The following MALT1 variants were observed in gnomAD, a reference collection of about 807,000 sequenced individuals.
The protein encoded by MALT1 is mucosa-associated lymphoid tissue lymphoma translocation protein 1.
Under a neutral mutation model 85.5 loss-of-function variants are expected in MALT1, and 36 were observed. The ratio of observed to expected loss-of-function variants is 0.42; its 90% CI spans 0.32 to 0.56. MALT1 has a LOEUF of 0.56. Among genes scored for constraint, MALT1 ranks in the 20% least tolerant of loss-of-function variants. The pLI is 0.10. For missense variants in MALT1, 716 were observed against 981.6 expected (o/e 0.73, Z 3.62); for synonymous variants, 359 against 361.3 (o/e 0.99, Z 0.07).
intron 13 of MALT1, among the ~76,000 whole-genome samples, chr18:58,739,837 G>A (rs568870889): frequency 7.2e-5 from 11 of 152,070 alleles, no homozygotes; most frequent in Admixed American, 2.6e-4. Flanking sequence ...ACACGTGTAC[G>A]TGTACACATG....
intron 10 of MALT1, among the ~76,000 whole-genome samples, chr18:58,727,892 G>C (rs776901333): frequency 1.3e-5 from 2 of 152,012 alleles, no homozygotes; most frequent in Admixed American, 6.6e-5. Flanking sequence ...TGTAAAAGAG[G>C]GATGTTAATA....
rs761134329 is a variant in MALT1 at position 58,723,076 on chromosome 18, A to T, written c.1047A>T (p.Gly349=). Residue 349 remains glycine, a synonymous_variant, in exon 10 of 17, where the codon GGA becomes GGT. Coordinates refer to ENST00000649217, the MANE Select transcript of MALT1 (RefSeq NM_006785.4). ...LAKDKVALLI[G]NMNYREHPKL... Reference sequence around the variant, plus strand: ...AGGACAAGGTTGCCCTTTTGATAGGAAATATGAATTACCGGGAGCACCCCA... The same window carrying T: ...AGGACAAGGTTGCCCTTTTGATAGGTAATATGAATTACCGGGAGCACCCCA... The T allele has an allele frequency of 1.2e-6, 2 of 1,613,632 alleles. No homozygotes were observed. Among genetic ancestry groups the T allele is most frequent in the Non-Finnish European group, 1.7e-6 (2 of 1,179,888 alleles).
At chr18:58,733,250 A>G in intron 10 of MALT1, 147 bp from the exon 11 acceptor site, 1 of 578,548 alleles carries the variant, frequency 1.7e-6, no homozygotes, top group Non-Finnish European at 3.0e-6. Flanking sequence ...CATTGTCTAT[A>G]TTTATAATTG....
At chr18:58,740,411 T>A (rs773510998) in intron 13 of MALT1, among the ~76,000 whole-genome samples, 6 of 152,114 alleles carry the variant, frequency 3.9e-5, no homozygotes, top group Non-Finnish European at 7.4e-5. Flanking sequence ...ACTTTTAGCC[T>A]ATTTTTTCCA....
intron 11 of MALT1, 126 bp from the exon 12 acceptor site, chr18:58,734,181 T>C: frequency 9.3e-7 from 1 of 1,075,432 alleles, no homozygotes; most frequent in Non-Finnish European, 1.3e-6. Context: ...ATGAAAAATT[T>C]TGAATCTATA....
At chr18:58,745,875 G>A in intron 16 of MALT1, 84 bp downstream of exon 16, 1 of 1,242,634 alleles carries the variant, frequency 8.0e-7, no homozygotes, top group East Asian at 2.4e-5. Context: ...TAGATATGCT[G>A]CCTTATTATT....
chr18:58,696,795 C>G (rs183207651), intron 3 of MALT1, among the ~76,000 whole-genome samples: 28 of 152,334 alleles, frequency 1.8e-4, no homozygotes, highest in African/African-American at 6.7e-4. Context: ...TATACAAACT[C>G]TTCACAACAG....
chr18:58,703,733 C>T (rs527762551), intron 4 of MALT1, among the ~76,000 whole-genome samples: 3 of 152,238 alleles, frequency 2.0e-5, no homozygotes, highest in South Asian at 4.1e-4. Context: ...GATTACAGTT[C>T]GAGATGAAAT....
intron 9 of MALT1, among the ~76,000 whole-genome samples, chr18:58,720,648 GAAT>G (rs1234691029): frequency 6.6e-6 from 1 of 152,136 alleles, no homozygotes; most frequent in African/African-American, 2.4e-5. Context: ...CAAAACCAGT[GAAT>G]AATGATTTGA....
intron 13 of MALT1, among the ~76,000 whole-genome samples, chr18:58,737,493 AAG>A (rs1239464013): frequency 6.6e-6 from 1 of 152,176 alleles, no homozygotes; most frequent in African/African-American, 2.4e-5. Context: ...AAAAAAAAAA[AAG>A]AAAATTCCAG....
chr18:58,683,188 G>A (rs1216445443), intron 2 of MALT1, among the ~76,000 whole-genome samples: 8 of 152,150 alleles, frequency 5.3e-5, no homozygotes, highest in Non-Finnish European at 1.0e-4. Context: ...CTCATACCTA[G>A]TAAAGTCTCA....
At chr18:58,736,732 G>GAA (rs1436295616) in intron 13 of MALT1, among the ~76,000 whole-genome samples, 2 of 152,170 alleles carry the variant, frequency 1.3e-5, no homozygotes, top group African/African-American at 4.8e-5. Flanking sequence ...GTCCTACCAT[G>GAA]TCTGCTTAAC....
chr18:58,728,790 G>GT (rs2055102500), intron 10 of MALT1, among the ~76,000 whole-genome samples: 1 of 152,154 alleles, frequency 6.6e-6, no homozygotes, highest in Admixed American at 6.5e-5. Flanking sequence ...CCATTCAGCA[G>GT]TTGCAGGGCT....
In MALT1 at chr18:58,671,720, C is replaced by G. The variant is rs1051462565; in HGVS notation, c.77C>G (p.Ala26Gly). ...APTGPLLAPP[A>G]GATLNRLREP... Reference sequence around the variant, plus strand: ...ACGGGGCCGCTGCTCGCCCCTCCGGCCGGCGCGACCCTCAACCGCCTGCGG... The same window carrying G: ...ACGGGGCCGCTGCTCGCCCCTCCGGGCGGCGCGACCCTCAACCGCCTGCGG... The change falls in exon 1 of 17, where the codon GCC becomes GGC. Residue 26 changes from alanine (A) to glycine (G), a missense_variant. Ala to Gly is a moderately conservative substitution (Grantham distance 60). Coordinates refer to ENST00000649217, the MANE Select transcript of MALT1 (RefSeq NM_006785.4). 2 of 1,279,188 alleles carry G rather than the reference C, an allele frequency of 1.6e-6. No individual in the cohort carries two copies. Among genetic ancestry groups the G allele is most frequent in the Admixed American group, 3.7e-5 (1 of 26,812 alleles). The allele number at this position is 1,279,188 out of a possible 1,614,324, so 79.2% of individuals were successfully genotyped here.
intron 2 of MALT1, among the ~76,000 whole-genome samples, chr18:58,683,251 A>C (rs2054349477): frequency 6.6e-6 from 1 of 152,234 alleles, no homozygotes; most frequent in South Asian, 2.1e-4. Flanking sequence ...TACTTTATTG[A>C]ATACCAGGGC....
At chr18:58,688,536 C>CA (rs552838701) in intron 2 of MALT1, among the ~76,000 whole-genome samples, 12,447 of 61,264 alleles carry the variant, frequency 0.2, 1,993 homozygotes, top group Non-Finnish European at 0.27. Flanking sequence ...CCTGTTTCTA[C>CA]AAAAAAAAAA....
At chr18:58,706,680 T>C (rs2054756885) in intron 4 of MALT1, among the ~76,000 whole-genome samples, 1 of 152,230 alleles carries the variant, frequency 6.6e-6, no homozygotes, top group African/African-American at 2.4e-5. Flanking sequence ...TATCTCAGCA[T>C]TTGAATTCTG....
At chr18:58,743,824 T>C (rs2055332604) in intron 14 of MALT1, among the ~76,000 whole-genome samples, 1 of 152,220 alleles carries the variant, frequency 6.6e-6, no homozygotes, top group South Asian at 2.1e-4. Flanking sequence ...CATGTTATGC[T>C]GAAACTTTAT....
chr18:58,742,757 G>A (rs1212957457), intron 14 of MALT1, among the ~76,000 whole-genome samples: 1 of 152,154 alleles, frequency 6.6e-6, no homozygotes, highest in Admixed American at 6.5e-5. Flanking sequence ...TATTGGGATT[G>A]AATGAGTGCA....
Sources: gnomAD v4.1 joint callset for allele counts (sites outside exome capture counted in the v4.1 genomes callset) on GRCh38, gnomAD v4.1.1 for gene constraint, MANE v1.5 for transcripts, NCBI Gene and HGNC (gene_info 2026-07-23, HGNC 2026-07-21) for gene names.